The following SMC1B variants were observed in gnomAD, a reference collection of about 807,000 sequenced individuals.
SMC1B encodes the protein structural maintenance of chromosomes 1B.
Under a neutral mutation model 157.9 loss-of-function variants are expected in SMC1B, and 60 were observed. The ratio of observed to expected loss-of-function variants is 0.38; its 90% CI spans 0.31 to 0.47. SMC1B has a LOEUF of 0.47. Ranked by LOEUF, SMC1B falls within the 20% of genes least tolerant of loss-of-function variation. The pLI is 0.99. For synonymous variants in SMC1B, 445 were observed against 483.0 expected (o/e 0.92, Z 1.03); for missense variants, 1,165 against 1,426.2 (o/e 0.82, Z 2.95).
intron 1 of SMC1B, among the ~76,000 whole-genome samples, chr22:45,412,010 C>G (rs140637769): frequency 2.6e-5 from 4 of 151,634 alleles, no homozygotes; most frequent in African/African-American, 7.3e-5. Flanking sequence ...TCCCAAGTAG[C>G]TGGTATTACA....
intron 1 of SMC1B, among the ~76,000 whole-genome samples, chr22:45,412,699 C>T (rs889629589): frequency 2.0e-5 from 3 of 151,940 alleles, no homozygotes; most frequent in Non-Finnish European, 2.9e-5. Flanking sequence ...TAGAGACCTC[C>T]GCAGGTCCTC....
intron 21 of SMC1B, among the ~76,000 whole-genome samples, chr22:45,353,027 T>C (rs191375208): frequency 5.3e-5 from 8 of 152,196 alleles, no homozygotes; most frequent in African/African-American, 1.7e-4. Flanking sequence ...TCCCAGCACG[T>C]TGGGAGGCCG....
chr22:45,367,975 C>T (rs2086792070), intron 15 of SMC1B, among the ~76,000 whole-genome samples: 3 of 152,146 alleles, frequency 2.0e-5, no homozygotes, highest in South Asian at 2.1e-4. Flanking sequence ...TCTATTCTGA[C>T]ATTTTGGTGA....
intron 18 of SMC1B, among the ~76,000 whole-genome samples, chr22:45,359,470 G>T (rs2086700338): frequency 6.6e-6 from 1 of 152,218 alleles, no homozygotes; most frequent in Non-Finnish European, 1.5e-5. Context: ...GTTGGAGAAG[G>T]TGCAGAGCAA....
intron 15 of SMC1B, among the ~76,000 whole-genome samples, chr22:45,368,323 A>AT (rs2086795066): frequency 6.6e-6 from 1 of 152,140 alleles, no homozygotes; most frequent in African/African-American, 2.4e-5. Context: ...GTTCTGATAT[A>AT]AAGCCCACTA....
intron 23 of SMC1B, among the ~76,000 whole-genome samples, chr22:45,347,686 T>G (rs1010017841): frequency 2.6e-5 from 4 of 152,188 alleles, no homozygotes; most frequent in African/African-American, 9.7e-5. Context: ...AGTCCTGAGC[T>G]CAAGTGATCC....
At chr22:45,362,807 G>A in intron 16 of SMC1B, 78 bp downstream of exon 16, 1 of 1,203,576 alleles carries the variant, frequency 8.3e-7, no homozygotes. Flanking sequence ...GACCCTTCAG[G>A]AGCGCACAAA....
chr22:45,387,112 T>C, intron 10 of SMC1B, 66 bp from the exon 11 acceptor site: 1 of 1,344,500 alleles, frequency 7.4e-7, no homozygotes, highest in Non-Finnish European at 1.0e-6. Context: ...TTCATTATAT[T>C]CTTTCTCACA....
chr22:45,359,211 T>A (rs1488974081), intron 18 of SMC1B, among the ~76,000 whole-genome samples: 2 of 152,232 alleles, frequency 1.3e-5, no homozygotes, highest in Non-Finnish European at 2.9e-5. Flanking sequence ...CGGATTTTGA[T>A]ATACATGGGG....
intron 15 of SMC1B, among the ~76,000 whole-genome samples, chr22:45,368,435 GT>G (rs1378090302): frequency 1.3e-5 from 2 of 150,982 alleles, no homozygotes; most frequent in Non-Finnish European, 2.9e-5. Context: ...CTTATTGTAT[GT>G]ATACTTTTTT....
chr22:45,409,604 ATAAAT>A (rs199903604), intron 1 of SMC1B, among the ~76,000 whole-genome samples: 1,568 of 81,046 alleles, frequency 0.019, 21 homozygotes, highest in African/African-American at 0.16. Context: ...AAATAAATAA[ATAAAT>A]AAAAACAAGA....
rs778848286 is a variant in SMC1B, at chr22:45,393,757, A to G, written c.1422T>C (p.Asn474=). Reference sequence around the variant, plus strand: ...CACTTCTAATAAGATTCAATTCTTCATTAACTTCAGACATTCTTGATTTTG... The same window carrying G: ...CACTTCTAATAAGATTCAATTCTTCGTTAACTTCAGACATTCTTGATTTTG... ...EKTKSRMSEV[N]EELNLIRSEL... Residue 474 remains asparagine (N), a synonymous_variant, in exon 9 of 25, where the codon AAT becomes AAC. Transcript: ENST00000357450. The G allele has an allele frequency of 1.2e-5, 20 of 1,613,636 alleles. No homozygotes were observed. Among genetic ancestry groups the G allele is most frequent in the Non-Finnish European group, 1.5e-5 (18 of 1,179,694 alleles).
chr22:45,355,214 G>T, intron 19 of SMC1B, 99 bp from the exon 20 acceptor site: 1 of 1,164,734 alleles, frequency 8.6e-7, no homozygotes, highest in Non-Finnish European at 1.3e-6. Flanking sequence ...CCAGGTCCCT[G>T]TGCATCCACT....
At chr22:45,407,787 C>T (rs1319349066) in intron 2 of SMC1B, among the ~76,000 whole-genome samples, 1 of 152,062 alleles carries the variant, frequency 6.6e-6, no homozygotes, top group East Asian at 1.9e-4. Flanking sequence ...ACTGAGCTAG[C>T]CTAATGCAGA....
At chr22:45,399,726 A>C (rs1426783481) in intron 5 of SMC1B, among the ~76,000 whole-genome samples, 1 of 152,248 alleles carries the variant, frequency 6.6e-6, no homozygotes, top group Non-Finnish European at 1.5e-5. Flanking sequence ...ATAAATGTAG[A>C]AACAGCCTTA....
chr22:45,395,298 G>C (rs763841797), intron 7 of SMC1B, among the ~76,000 whole-genome samples: 7 of 152,118 alleles, frequency 4.6e-5, no homozygotes, highest in Non-Finnish European at 1.0e-4. Flanking sequence ...TGAGGATTTC[G>C]GGAAAGTTTT....
Position 45,399,246 on chromosome 22 carries a change from TC to T in SMC1B, c.961del (p.Asp321ThrfsTer13). 1 of 1,614,170 alleles carries T rather than the reference TC, an allele frequency of 6.2e-7. No individual in the cohort carries two copies. Among genetic ancestry groups the T allele is most frequent in the Non-Finnish European group, 8.5e-7 (1 of 1,180,004 alleles). On this transcript the variant is annotated frameshift_variant, in exon 6 of 25. Coordinates refer to ENST00000357450, the MANE Select transcript of SMC1B (RefSeq NM_148674.5). LOFTEE classifies it high-confidence loss of function. The stretch of plus-strand genomic sequence containing the variant: ...CTGTTTAGAACATTGTTTTTCGCTG[TC>T]CTTTATTGATTTCTTAGCCACATCT... ...KLDVAKKSIKDSEKQCSKQED... is the reference protein window; with the variant it reads ...KLDVAKKSIKXSEKQCSKQED...
At chr22:45,368,255 T>A (rs977250065) in intron 15 of SMC1B, among the ~76,000 whole-genome samples, 7 of 152,178 alleles carry the variant, frequency 4.6e-5, no homozygotes, top group Non-Finnish European at 1.0e-4. Flanking sequence ...GATCATATGA[T>A]TCTTTCTTAA....
At position 45,372,194 on chromosome 22, in the gene SMC1B, T is replaced by C. The variant is rs984465373; in HGVS notation, c.2157A>G (p.Leu719=). The C allele has an allele frequency of 6.2e-7, 1 of 1,612,108 alleles. No homozygotes were observed. Among genetic ancestry groups the C allele is most frequent in the African/African-American group, 1.3e-5 (1 of 74,854 alleles). The change falls in exon 13 of 25, where the codon CTA becomes CTG. Residue 719 remains leucine (L), a synonymous_variant. Transcript: ENST00000357450. ...CAAGGTGCTTCTTCTTAATCATCTC[T>C]AGTTCATTTTGTGAATATTTGAGTC... ...QTRLKYSQNE[L]EMIKKKHLVA...
Sources: allele counts gnomAD v4.1 joint callset (sites outside exome capture counted in the v4.1 genomes callset), GRCh38; gene constraint gnomAD v4.1.1; transcripts MANE v1.5; gene names NCBI Gene and HGNC (gene_info 2026-07-23, HGNC 2026-07-21).